The following DBT variants were observed in gnomAD, a reference collection of about 807,000 sequenced individuals.
The protein encoded by DBT is dihydrolipoamide branched chain transacylase E2.
A neutral mutation model predicts 51.3 loss-of-function variants in DBT; 40 were observed. That is an observed-to-expected ratio of 0.78 (90% confidence interval 0.61 to 1.02). The LOEUF is 1.02. Ranked by LOEUF, DBT falls within the 50% of genes least tolerant of loss-of-function variation. DBT has a pLI of 0.00. For synonymous variants in DBT, 181 were observed against 190.4 expected, an observed-to-expected ratio of 0.95 and a Z score of 0.41; for missense variants, 510 against 580.2, an observed-to-expected ratio of 0.88 and a Z score of 1.24.
At position 100,206,528 on chromosome 1, in the gene DBT, G is replaced by C; in HGVS notation, c.1126C>G (p.Arg376Gly). 1 of 1,612,990 alleles carries C rather than the reference G, an allele frequency of 6.2e-7. No homozygotes were observed. The highest frequency in any genetic ancestry group is 8.5e-7 in the Non-Finnish European group (1 of 1,178,968). ...CTCACAGAGCCCAATTTCTGGAGGC[G>C]GTTCAGTTCAGTGGCGATGTCAAAT... Reference protein sequence around the residue: ...SIFDIATELNRLQKLGSVSQL... With the variant: ...SIFDIATELNGLQKLGSVSQL... The change falls in exon 9 of 11, where the codon CGC becomes GGC. Residue 376 changes from arginine (R) to glycine (G), a missense_variant. Transcript: ENST00000370132.
rs146241016 is a variant in DBT, at chr1:100,228,128, G to C, written c.433+2605C>G. ...GCCTCCCAAAGTGCTGGAATTACAG[G>C]TGTGAGCCACTGAGCCCAGCCTGAA... is the stretch of plus-strand genomic sequence containing the variant. On this transcript the variant is annotated intron_variant, in intron 4 of 10. Coordinates refer to ENST00000370132, the MANE Select transcript of DBT (RefSeq NM_001918.5). Among the ~76,000 whole-genome samples the C allele has an allele frequency of 5.2e-3, 798 of 152,254 alleles. 13 individuals carry two copies. The highest frequency in any genetic ancestry group is 0.019 in the African/African-American group (770 of 41,542).
intron 5 of DBT, 56 bp from the exon 6 acceptor site, chr1:100,216,255 A>C: frequency 7.9e-7 from 1 of 1,270,260 alleles, no homozygotes; most frequent in Admixed American, 1.7e-5. Context: ...ACATCATTAA[A>C]GTTTCAAAAT....
rs1024169033 is a variant in DBT at position 100,217,950 on chromosome 1, T to C, written c.555+676A>G. Among the ~76,000 whole-genome samples, 16 of 149,200 alleles carry C rather than the reference T, an allele frequency of 1.1e-4. No individual in the cohort carries two copies. In the East Asian group the frequency reaches 3.2e-3, roughly 30 times the overall value. Reference sequence around the variant, plus strand: ...GTTAGCTGTGTGACTTTAGACTAGTTACTTAAACCCTCCAAGTCTTAAAAT... The same window carrying C: ...GTTAGCTGTGTGACTTTAGACTAGTCACTTAAACCCTCCAAGTCTTAAAAT... On this transcript the variant is annotated intron_variant, in intron 5 of 10. Transcript: ENST00000370132.
intron 10 of DBT, 91 bp from the exon 11 acceptor site, chr1:100,196,513 AGAT>A (rs1431670512): frequency 2.3e-4 from 339 of 1,457,864 alleles, no homozygotes; most frequent in Middle Eastern, 1.2e-3. Context: ...CAATGGTGTA[AGAT>A]CAGGCAAACC....
intron 2 of DBT, among the ~76,000 whole-genome samples, chr1:100,238,645 A>G (rs1664042102): frequency 6.6e-6 from 1 of 152,012 alleles, no homozygotes; most frequent in African/African-American, 2.4e-5. Flanking sequence ...ACAGGTGTGG[A>G]CCACCATGCT....
intron 1 of DBT, among the ~76,000 whole-genome samples, chr1:100,248,101 CAAAA>C (rs1003290152): frequency 6.7e-5 from 5 of 75,130 alleles, no homozygotes; most frequent in Admixed American, 1.5e-4. Flanking sequence ...GACTCCATTT[CAAAA>C]AAAAAAAAAA....
intron 4 of DBT, among the ~76,000 whole-genome samples, chr1:100,222,371 A>G (rs1367676085): frequency 6.6e-6 from 1 of 152,244 alleles, no homozygotes; most frequent in African/African-American, 2.4e-5. Context: ...AATTTTGTAA[A>G]TAATGCATAT....
chr1:100,241,366 TTGTGTG>T (rs58256713), intron 1 of DBT, among the ~76,000 whole-genome samples: 14,419 of 143,940 alleles, frequency 0.1, 772 homozygotes, highest in Middle Eastern at 0.24. Flanking sequence ...CTGAAAGGTA[TTGTGTG>T]TGTGTGTGTG....
At chr1:100,232,155 T>C (rs1326634111) in intron 3 of DBT, among the ~76,000 whole-genome samples, 1 of 152,202 alleles carries the variant, frequency 6.6e-6, no homozygotes, top group Non-Finnish European at 1.5e-5. Context: ...AAGGTAAGCG[T>C]TTCGAGCATG....
intron 8 of DBT, 46 bp downstream of exon 8, chr1:100,210,648 C>T (rs770885147): frequency 6.2e-7 from 1 of 1,611,108 alleles, no homozygotes; most frequent in African/African-American, 1.3e-5. Context: ...CACATTTGCC[C>T]CATCTTCTAT....
chr1:100,227,239 T>C (rs921440270), intron 4 of DBT, among the ~76,000 whole-genome samples: 1 of 152,274 alleles, frequency 6.6e-6, no homozygotes, highest in Admixed American at 6.5e-5. Context: ...AACGTCGTTA[T>C]GCGACATATG....
rs537978963 is a variant in DBT at position 100,212,064 on chromosome 1, G to A, written c.940-1293C>T. ...TGGGATTACAGTCGTGAGACACTGC[G>A]CCCAGCCAACTTGAAAGTTTTAGTA... On this transcript the variant is annotated intron_variant, in intron 7 of 10. Transcript: ENST00000370132. Among the ~76,000 whole-genome samples, 8 of 152,238 alleles carry A rather than the reference G, an allele frequency of 5.3e-5. No individual in the cohort carries two copies. In the South Asian group the frequency reaches 1.2e-3, roughly 24 times the overall value.
intron 10 of DBT, among the ~76,000 whole-genome samples, chr1:100,203,046 GCAAGAGCAAA>G (rs1422949448): frequency 1.3e-5 from 2 of 152,116 alleles, no homozygotes; most frequent in Non-Finnish European, 2.9e-5. Context: ...AACTAGAGAA[GCAAGAGCAAA>G]CACGTTCAAA....
At chr1:100,208,141 A>G (rs1433348667) in intron 8 of DBT, among the ~76,000 whole-genome samples, 1 of 152,122 alleles carries the variant, frequency 6.6e-6, no homozygotes, top group Non-Finnish European at 1.5e-5. Context: ...TCTCCAAAAC[A>G]AAAACAAAAA....
intron 10 of DBT, among the ~76,000 whole-genome samples, chr1:100,197,492 A>G (rs1391908066): frequency 6.6e-6 from 1 of 152,204 alleles, no homozygotes; most frequent in Non-Finnish European, 1.5e-5. Flanking sequence ...AGCAAGATAT[A>G]AGAGTAAGTT....
chr1:100,242,009 G>C (rs1664252798), intron 1 of DBT, among the ~76,000 whole-genome samples: 1 of 151,014 alleles, frequency 6.6e-6, no homozygotes, highest in Non-Finnish European at 1.5e-5. Context: ...GACAGAGCAA[G>C]ACTCCATCTC....
At chr1:100,249,518 C>T (rs1664783886) in intron 1 of DBT, among the ~76,000 whole-genome samples, 1 of 152,188 alleles carries the variant, frequency 6.6e-6, no homozygotes, top group Non-Finnish European at 1.5e-5. Context: ...GCTAGCTGGG[C>T]CTCGGGGTAC....
Position 100,214,907 on chromosome 1 carries a change from G to T in DBT, c.849C>A (p.Asp283Glu), listed in dbSNP as rs763730151. Residue 283 changes from aspartate (D) to glutamate (E), a missense_variant, in exon 7 of 11, where the codon GAC becomes GAA. Transcript: ENST00000370132. ...IPHFGYCDEI[D>E]LTELVKLREE... The stretch of plus-strand genomic sequence containing the variant: ...CTCGGAGCTTAACCAGTTCAGTAAG[G>T]TCAATCTCATCACAATAACCAAAAT... The T allele has an allele frequency of 3.1e-6, 5 of 1,613,426 alleles. No homozygotes were observed. In the South Asian group the frequency reaches 5.5e-5, roughly 18 times the overall value.
intron 4 of DBT, among the ~76,000 whole-genome samples, chr1:100,225,689 G>A (rs6577159): frequency 0.8 from 120,752 of 151,878 alleles, 49,364 homozygotes; most frequent in East Asian, 0.95. Context: ...GCCAGGTGTG[G>A]TGGCACATGC....
Sources: allele counts gnomAD v4.1 joint callset (sites outside exome capture counted in the v4.1 genomes callset), GRCh38; gene constraint gnomAD v4.1.1; transcripts MANE v1.5; gene names NCBI Gene and HGNC (gene_info 2026-07-23, HGNC 2026-07-21).